KIAA1143: variants seen among roughly 807,000 people sequenced by gnomAD.
KIAA1143 encodes KIAA1143.
KIAA1143 carries 8 observed loss-of-function variants against 17.0 expected under a neutral mutation model. The observed-to-expected ratio is 0.47, with a 90% CI of 0.28 to 0.85. KIAA1143 has a LOEUF of 0.85. KIAA1143 is among the 40% of genes least tolerant of loss of function. The pLI, the probability that KIAA1143 is intolerant of heterozygous loss-of-function variation, is 0.12. For synonymous variants in KIAA1143, 64 were observed against 67.8 expected, an observed-to-expected ratio of 0.94 and a Z score of 0.27; for missense variants, 162 against 183.3, an observed-to-expected ratio of 0.88 and a Z score of 0.67.
Position 44,752,395 on chromosome 3 carries a change from T to C in KIAA1143, c.*946A>G, listed in dbSNP as rs1255750926. ...TTTGTGCGTTTTGTTCAATTATTTGTCCAAAATGCCAAGAACCTGGACACC... is the reference window on the plus strand; with the variant it reads ...TTTGTGCGTTTTGTTCAATTATTTGCCCAAAATGCCAAGAACCTGGACACC... On this transcript the variant is annotated 3_prime_UTR_variant, in exon 3 of 3. Transcript: ENST00000296121. 1 of 151,938 alleles carries C rather than the reference T, an allele frequency of 6.6e-6. No homozygotes were observed. The highest frequency in any genetic ancestry group is 6.6e-5 in the Admixed American group (1 of 15,228). The allele number at this position is 151,938 out of a possible 1,614,324, so 9.4% of individuals were successfully genotyped here.
At chr3:44,755,200 ATT>A (rs1442895011) in intron 1 of KIAA1143, among the ~76,000 whole-genome samples, 1 of 152,164 alleles carries the variant, frequency 6.6e-6, no homozygotes, top group Non-Finnish European at 1.5e-5. Context: ...CTCAAGATTT[ATT>A]TGACCAGCAT....
chr3:44,761,407 C>T lies in KIAA1143; in HGVS notation c.108+88G>A, dbSNP rs188142286. The T allele has an allele frequency of 2.8e-3, 2,841 of 1,009,114 alleles. 8 individuals carry two copies. The highest frequency in any genetic ancestry group is 3.6e-3 in the Non-Finnish European group (2,449 of 671,456). 62.5% of individuals were successfully genotyped at this position (1,009,114 alleles called of 1,614,324 possible). On this transcript the variant is annotated intron_variant, in intron 1 of 2. Coordinates refer to ENST00000296121, the MANE Select transcript of KIAA1143 (RefSeq NM_020696.4). Reference sequence around the variant, plus strand: ...TCGAGCGCGGGTGAAAAGAGGGACCCGACAGCACCCACCCTCCAAGTAGAG... The same window carrying T: ...TCGAGCGCGGGTGAAAAGAGGGACCTGACAGCACCCACCCTCCAAGTAGAG...
chr3:44,752,231 G>A lies in KIAA1143; in HGVS notation c.*1110C>T, dbSNP rs1704901095. On this transcript the variant is annotated 3_prime_UTR_variant, in exon 3 of 3. Coordinates refer to ENST00000296121, the MANE Select transcript of KIAA1143 (RefSeq NM_020696.4). ...CATAGGCCAAGTCCTCATTTACACA[G>A]GAGTATAACTTTGTAACTTCACTTC... 1 of 151,952 alleles carries A rather than the reference G, an allele frequency of 6.6e-6. No homozygotes were observed. Among genetic ancestry groups the A allele is most frequent in the Admixed American group, 6.6e-5 (1 of 15,256 alleles). 9.4% of individuals were successfully genotyped at this position (151,952 alleles called of 1,614,324 possible).
chr3:44,752,946 T>C lies in KIAA1143; in HGVS notation c.*395A>G, dbSNP rs1704909964. ...ACAATGAGATGTTTATGAAATTATCTGTAGCTATTAATGTCAGGTTTTTGA... is the reference window on the plus strand; with the variant it reads ...ACAATGAGATGTTTATGAAATTATCCGTAGCTATTAATGTCAGGTTTTTGA... On this transcript the variant is annotated 3_prime_UTR_variant, in exon 3 of 3. Transcript: ENST00000296121. 6.5e-6 allele frequency: 1 copy of C among 154,222 alleles called. No homozygotes were observed. The highest frequency in any genetic ancestry group is 2.4e-5 in the African/African-American group (1 of 41,242). The allele number at this position is 154,222 out of a possible 1,614,324, so 9.6% of individuals were successfully genotyped here.
At chr3:44,755,904 G>C (rs1437007305) in intron 1 of KIAA1143, among the ~76,000 whole-genome samples, 1 of 152,198 alleles carries the variant, frequency 6.6e-6, no homozygotes, top group Admixed American at 6.5e-5. Context: ...ATGAAGCCCT[G>C]GCAAGTTGCT....
Position 44,753,493 on chromosome 3 carries a change from A to G in KIAA1143, c.313T>C (p.Ser105Pro). The G allele has an allele frequency of 6.2e-7, 1 of 1,612,282 alleles. No individual in the cohort carries two copies. Among genetic ancestry groups the G allele is most frequent in the Non-Finnish European group, 8.5e-7 (1 of 1,178,650 alleles). The change falls in exon 3 of 3, where the codon TCA (serine) becomes CCA (proline). Residue 105 changes from serine to proline, a missense_variant. Physicochemically the swap from Ser to Pro is moderately conservative, Grantham distance 74. Transcript: ENST00000296121. ...GTTAAACCTGAATATTTTTCATCTG[A>G]GGGATGCTTGACTGGTTTTCGATAT... ...IIYRKPVKHP[S>P]DEKYSGLTAS...
At chr3:44,754,118 C>A in intron 2 of KIAA1143, 106 bp downstream of exon 2, 1 of 1,168,006 alleles carries the variant, frequency 8.6e-7, no homozygotes. Flanking sequence ...AAGGCTTGAA[C>A]CCGGAACTGC....
intron 1 of KIAA1143, among the ~76,000 whole-genome samples, chr3:44,756,512 G>A (rs1704976207): frequency 1.3e-5 from 2 of 152,190 alleles, no homozygotes; most frequent in African/African-American, 4.8e-5. Flanking sequence ...GCAGTGAGCT[G>A]AGATCGAGTC....
At chr3:44,757,889 T>C (rs1459842608) in intron 1 of KIAA1143, among the ~76,000 whole-genome samples, 1 of 152,186 alleles carries the variant, frequency 6.6e-6, no homozygotes, top group Non-Finnish European at 1.5e-5. Context: ...GCAGATTTGG[T>C]TCCAGACCAC....
intron 1 of KIAA1143, among the ~76,000 whole-genome samples, chr3:44,754,855 G>C (rs565827102): frequency 3.3e-5 from 5 of 152,228 alleles, no homozygotes; most frequent in African/African-American, 1.2e-4. Flanking sequence ...TATTCTATCA[G>C]CTATTTTCCA....
At chr3:44,756,782 A>T (rs746412771) in intron 1 of KIAA1143, among the ~76,000 whole-genome samples, 1 of 152,236 alleles carries the variant, frequency 6.6e-6, no homozygotes, top group Admixed American at 6.5e-5. Context: ...CAAGCAAACA[A>T]GCAAATTCAC....
rs972784515 is a variant in KIAA1143 at position 44,760,534 on chromosome 3, C to T, written c.108+961G>A. Among the ~76,000 whole-genome samples, 16 of 152,168 alleles carry T rather than the reference C, an allele frequency of 1.1e-4. No homozygotes were observed. The East Asian group carries it at 1.2e-3, about 11-fold the overall frequency. ...CCTCCCGAGTAGCTGGGACTACAGGCGCCCGCCACCATGCCTGGCTAATTT... is the reference window on the plus strand; with the variant it reads ...CCTCCCGAGTAGCTGGGACTACAGGTGCCCGCCACCATGCCTGGCTAATTT... On this transcript the variant is annotated intron_variant, in intron 1 of 2. Transcript: ENST00000296121.
rs1232253120 is a variant in KIAA1143 at position 44,748,913 on chromosome 3, C to T, written c.*4428G>A. On this transcript the variant is annotated 3_prime_UTR_variant, in exon 3 of 3. Coordinates refer to ENST00000296121, the MANE Select transcript of KIAA1143 (RefSeq NM_020696.4). ...AACAGTGTAGTTTGGTACAATAACA[C>T]ATATAGCAATGATACAAATTAGGGG... 1.3e-5 allele frequency: 2 copies of T among 152,088 alleles called. No homozygotes were observed. Among genetic ancestry groups the T allele is most frequent in the African/African-American group, 4.8e-5 (2 of 41,380 alleles). The allele number at this position is 152,088 out of a possible 1,614,324, so 9.4% of individuals were successfully genotyped here.
rs1055385984 is a variant in KIAA1143 at position 44,757,916 on chromosome 3, T to G, written c.109-3548A>C. On this transcript the variant is annotated intron_variant, in intron 1 of 2. Transcript: ENST00000296121. ...CCAGACCACCACAACAAAGCAAGTA[T>G]CAAAATAAATTGTCACACAAATTTT... is the stretch of plus-strand genomic sequence containing the variant. 3.3e-5 allele frequency among the ~76,000 whole-genome samples: 5 copies of G among 152,296 alleles called. No homozygotes were observed. In the South Asian group the frequency reaches 8.3e-4, roughly 25 times the overall value.
Position 44,749,955 on chromosome 3 carries a change from A to G in KIAA1143, c.*3386T>C, listed in dbSNP as rs984383260. 2 of 151,940 alleles carry G rather than the reference A, an allele frequency of 1.3e-5. No individual in the cohort carries two copies. Among genetic ancestry groups the G allele is most frequent in the Non-Finnish European group, 2.9e-5 (2 of 68,000 alleles). 9.4% of individuals were successfully genotyped at this position (151,940 alleles called of 1,614,324 possible). On this transcript the variant is annotated 3_prime_UTR_variant, in exon 3 of 3. Transcript: ENST00000296121. Reference sequence around the variant, plus strand: ...CAGGTGTGTGTCGCTACACCTGGCTATTTTTTATTTTTTGTAGAGATAGGG... The same window carrying G: ...CAGGTGTGTGTCGCTACACCTGGCTGTTTTTTATTTTTTGTAGAGATAGGG...
intron 1 of KIAA1143, among the ~76,000 whole-genome samples, chr3:44,756,473 GA>G (rs1704975698): frequency 6.6e-6 from 1 of 152,188 alleles, no homozygotes; most frequent in South Asian, 2.1e-4. Flanking sequence ...TGAGGCAGGA[GA>G]ATTGCTTGAA....
At chr3:44,759,894 CAAAAA>C (rs527806223) in intron 1 of KIAA1143, among the ~76,000 whole-genome samples, 2 of 51,102 alleles carry the variant, frequency 3.9e-5, no homozygotes, top group African/African-American at 7.0e-5. Flanking sequence ...GACCCTATCT[CAAAAA>C]AAAAAAAAAA....
chr3:44,750,062 T>C lies in KIAA1143; in HGVS notation c.*3279A>G, dbSNP rs372844577. 1 of 152,242 alleles carries C rather than the reference T, an allele frequency of 6.6e-6. No homozygotes were observed. The highest frequency in any genetic ancestry group is 1.5e-5 in the Non-Finnish European group (1 of 68,060). 9.4% of individuals were successfully genotyped at this position (152,242 alleles called of 1,614,324 possible). ...CCTTGGCTTCCCAAAGTGTTGGGAT[T>C]ACAAGCATGAGCCATTGTGTCTGGC... On this transcript the variant is annotated 3_prime_UTR_variant, in exon 3 of 3. Transcript: ENST00000296121.
In KIAA1143 at chr3:44,751,441, T is replaced by C. The variant is rs1409243829; in HGVS notation, c.*1900A>G. 6 of 152,214 alleles carry C rather than the reference T, an allele frequency of 3.9e-5. No homozygotes were observed. Among genetic ancestry groups the C allele is most frequent in the African/African-American group, 4.8e-5 (2 of 41,434 alleles). 9.4% of individuals were successfully genotyped at this position (152,214 alleles called of 1,614,324 possible). ...AGTATTGTCACCTTACAAATTCGGA[T>C]AGGCTCCTTGGCAGTGGTCGCTTTG... On this transcript the variant is annotated 3_prime_UTR_variant, in exon 3 of 3. Transcript: ENST00000296121.
Sources: gnomAD v4.1 joint callset for allele counts (sites outside exome capture counted in the v4.1 genomes callset) on GRCh38, gnomAD v4.1.1 for gene constraint, MANE v1.5 for transcripts, NCBI Gene and HGNC (gene_info 2026-07-23, HGNC 2026-07-21) for gene names.